LYPD6: variants seen among roughly 807,000 people sequenced by gnomAD.
The protein encoded by LYPD6 is ly6/PLAUR domain-containing protein 6.
A neutral mutation model predicts 22.7 loss-of-function variants in LYPD6; 15 were observed. The ratio of observed to expected loss-of-function variants is 0.66; its 90% CI spans 0.44 to 1.02. The LOEUF (loss-of-function observed/expected upper bound fraction) is 1.02. Ranked by LOEUF, LYPD6 falls within the 50% of genes least tolerant of loss-of-function variation. The probability of loss-of-function intolerance (pLI) is 0.00; values close to 1 mark genes in which losing one functional copy is unlikely to be tolerated. For synonymous variants in LYPD6, 72 were observed against 77.5 expected, an observed-to-expected ratio of 0.93 and a Z score of 0.37; for missense variants, 189 against 208.4, an observed-to-expected ratio of 0.91 and a Z score of 0.57.
At chr2:149,456,509 A>C (rs1558814358) in intron 3 of LYPD6, among the ~76,000 whole-genome samples, 1 of 152,150 alleles carries the variant, frequency 6.6e-6, no homozygotes, top group Non-Finnish European at 1.5e-5. Flanking sequence ...TTGAAGTCTT[A>C]ACCTTTAGTA....
intron 1 of LYPD6, among the ~76,000 whole-genome samples, chr2:149,428,504 A>G (rs2105140664): frequency 1.3e-5 from 2 of 152,322 alleles, no homozygotes; most frequent in Middle Eastern, 3.4e-3. Flanking sequence ...CATGGCATAC[A>G]CATGTTTCTG....
chr2:149,386,714 G>A (rs1682193004), intron 1 of LYPD6, among the ~76,000 whole-genome samples: 1 of 152,200 alleles, frequency 6.6e-6, no homozygotes, highest in African/African-American at 2.4e-5. Flanking sequence ...GGAGAGAATG[G>A]ATATAAAGTA....
intron 1 of LYPD6, among the ~76,000 whole-genome samples, chr2:149,403,349 A>T (rs1399437720): frequency 6.6e-6 from 1 of 150,668 alleles, no homozygotes; most frequent in East Asian, 1.9e-4. Context: ...TCCCACCAAC[A>T]GTGTAAAAGT....
At chr2:149,378,238 C>T (rs1681974635) in intron 1 of LYPD6, among the ~76,000 whole-genome samples, 1 of 152,176 alleles carries the variant, frequency 6.6e-6, no homozygotes, top group Admixed American at 6.5e-5. Context: ...CCACCTCAGC[C>T]TCCTGAGTAG....
chr2:149,434,416 T>G (rs1683386407), intron 1 of LYPD6, among the ~76,000 whole-genome samples: 2 of 152,224 alleles, frequency 1.3e-5, no homozygotes, highest in South Asian at 2.1e-4. Flanking sequence ...ATGAATATAA[T>G]TTTTCATATT....
At chr2:149,337,437 C>A (rs1201044838) in intron 1 of LYPD6, among the ~76,000 whole-genome samples, 2 of 152,084 alleles carry the variant, frequency 1.3e-5, no homozygotes, top group Non-Finnish European at 2.9e-5. Flanking sequence ...CTGGCTTATT[C>A]TCAAGTTTTG....
intron 3 of LYPD6, among the ~76,000 whole-genome samples, chr2:149,463,845 TAGTGGTTGCCA>T: frequency 6.6e-6 from 1 of 152,184 alleles, no homozygotes; most frequent in Non-Finnish European, 1.5e-5. Context: ...CAGTACCATT[TAGTGGTTGCCA>T]AGGGTTAGGG....
chr2:149,470,961 T>C lies in LYPD6; in HGVS notation c.*111T>C. On this transcript the variant is annotated 3_prime_UTR_variant, in exon 5 of 5. Coordinates refer to ENST00000334166, the MANE Select transcript of LYPD6 (RefSeq NM_194317.5). ...TTACACATGTGAGACACAACACTCT[T>C]GGAGGTCATCACAGCCAAGCATTGC... 1.0e-6 allele frequency: 1 copy of C among 1,002,762 alleles called. No homozygotes were observed. Among genetic ancestry groups the C allele is most frequent in the Non-Finnish European group, 1.5e-6 (1 of 676,110 alleles). The allele number at this position is 1,002,762 out of a possible 1,614,324, so 62.1% of individuals were successfully genotyped here.
intron 1 of LYPD6, among the ~76,000 whole-genome samples, chr2:149,383,132 A>G (rs1310630895): frequency 6.6e-6 from 1 of 152,184 alleles, no homozygotes; most frequent in Non-Finnish European, 1.5e-5. Context: ...GTGTTTTGCA[A>G]CTATCACCAC....
intron 3 of LYPD6, among the ~76,000 whole-genome samples, chr2:149,449,965 TATAAGAGTTCTCATACTTAACCCAGTG>T (rs1346087398): frequency 1.3e-5 from 2 of 152,186 alleles, no homozygotes; most frequent in African/African-American, 4.8e-5. Context: ...ACGAGTATTA[TATAAGAGTTCTCATACTTAACCCAGTG>T]AATGGTATTC....
intron 1 of LYPD6, among the ~76,000 whole-genome samples, chr2:149,430,287 A>G (rs1683284438): frequency 6.6e-6 from 1 of 152,004 alleles, no homozygotes; most frequent in South Asian, 2.1e-4. Context: ...TTTAGTAGAG[A>G]TGGGGTTTTA....
chr2:149,339,892 T>C (rs139750819), intron 1 of LYPD6, among the ~76,000 whole-genome samples: 43 of 152,340 alleles, frequency 2.8e-4, no homozygotes, highest in African/African-American at 1.0e-3. Flanking sequence ...TGTAAAATCT[T>C]CATCTTTTGC....
chr2:149,367,780 A>C (rs1044902116), intron 1 of LYPD6: 2 of 152,244 alleles, frequency 1.3e-5, no homozygotes, highest in Non-Finnish European at 2.9e-5. Context: ...CTCAAGCAAG[A>C]GAAAGAAGAG....
chr2:149,444,800 G>A (rs10804095), intron 2 of LYPD6, among the ~76,000 whole-genome samples: 42,045 of 151,990 alleles, frequency 0.28, 7,213 homozygotes, highest in African/African-American at 0.49. Flanking sequence ...TACTTTCTCT[G>A]TTGAAATCAA....
chr2:149,348,870 G>A (rs1342786519), intron 1 of LYPD6, among the ~76,000 whole-genome samples: 1 of 152,178 alleles, frequency 6.6e-6, no homozygotes, highest in African/African-American at 2.4e-5. Flanking sequence ...TTAGATCTGG[G>A]TGGTTGCAGT....
chr2:149,466,865 G>T (rs1210898953), intron 3 of LYPD6, among the ~76,000 whole-genome samples: 1 of 130,778 alleles, frequency 7.6e-6, no homozygotes, highest in Non-Finnish European at 1.6e-5. Context: ...GGAGACAGGA[G>T]ATAAGAACAT....
intron 3 of LYPD6, among the ~76,000 whole-genome samples, chr2:149,456,496 AT>A (rs1357315541): frequency 6.6e-6 from 1 of 152,068 alleles, no homozygotes; most frequent in East Asian, 1.9e-4. Flanking sequence ...TCAAATTCTT[AT>A]GTTGAAGTCT....
intron 4 of LYPD6, among the ~76,000 whole-genome samples, chr2:149,469,269 G>A (rs1681278315): frequency 2.0e-5 from 3 of 152,058 alleles, no homozygotes; most frequent in South Asian, 2.1e-4. Flanking sequence ...TTGTGTGTTC[G>A]CTTAAGCTTC....
At chr2:149,422,668 C>G (rs1683106007) in intron 1 of LYPD6, among the ~76,000 whole-genome samples, 1 of 152,158 alleles carries the variant, frequency 6.6e-6, no homozygotes, top group Non-Finnish European at 1.5e-5. Context: ...GTTATTAACT[C>G]TAGTCACCAT....
Sources: gnomAD v4.1 joint callset for allele counts (sites outside exome capture counted in the v4.1 genomes callset) on GRCh38, gnomAD v4.1.1 for gene constraint, MANE v1.5 for transcripts, NCBI Gene and HGNC (gene_info 2026-07-23, HGNC 2026-07-21) for gene names.